The following FMN2 variants were observed in gnomAD, a reference collection of about 807,000 sequenced individuals.
FMN2 encodes the protein formin 2, also known as formin-2.
A neutral mutation model predicts 142.3 loss-of-function variants in FMN2; 51 were observed. The ratio of observed to expected loss-of-function variants is 0.36; its 90% CI spans 0.29 to 0.45. FMN2 has a LOEUF of 0.45. FMN2 is among the 20% of genes least tolerant of loss of function. FMN2 has a pLI of 1.00. For missense variants in FMN2, 1,936 were observed against 2,122.8 expected (o/e 0.91, Z 1.73); for synonymous variants, 882 against 869.8 (o/e 1.01, Z -0.25).
rs778996452 is a variant in FMN2, at chr1:240,207,442, C to T, written c.2630C>T (p.Pro877Leu). 4.3e-6 allele frequency: 7 copies of T among 1,613,564 alleles called. No individual in the cohort carries two copies. Among genetic ancestry groups the T allele is most frequent in the South Asian group, 1.1e-5 (1 of 91,076 alleles). The change falls in exon 5 of 18, where the codon CCT becomes CTT. Residue 877 changes from proline (P) to leucine (L), a missense_variant. By Grantham distance (98) the Pro-to-Leu change is moderately conservative. Coordinates refer to ENST00000319653, the MANE Select transcript of FMN2 (RefSeq NM_020066.5). ...TCCATGCCTGGCCTGGGCATGGTGCCTCCCCCACCTCCCCCTCTCCCTGGC... is the reference window on the plus strand; with the variant it reads ...TCCATGCCTGGCCTGGGCATGGTGCTTCCCCCACCTCCCCCTCTCCCTGGC... ...SSSMPGLGMV[P>L]PPPPPLPGMT...
At chr1:240,211,055 T>C in intron 5 of FMN2, 36 bp from the exon 6 acceptor site, 1 of 1,582,450 alleles carries the variant, frequency 6.3e-7, no homozygotes, top group African/African-American at 1.4e-5. Flanking sequence ...AAGTTCAGTT[T>C]GATGGCTGTT....
At chr1:240,360,026 A>G (rs1283193478) in intron 14 of FMN2, among the ~76,000 whole-genome samples, 1 of 152,146 alleles carries the variant, frequency 6.6e-6, no homozygotes. Flanking sequence ...TTGCACCACA[A>G]TATTGAGCAG....
At position 240,138,739 on chromosome 1, in the gene FMN2, A is replaced by T. The variant is rs1571971001; in HGVS notation, c.1782+15394A>T. Reference sequence around the variant, plus strand: ...AAAAAAAAATTGCATGTGGTCACACAATTTGTTTTTCCCCCTTTTAAAGGA... The same window carrying T: ...AAAAAAAAATTGCATGTGGTCACACTATTTGTTTTTCCCCCTTTTAAAGGA... On this transcript the variant is annotated intron_variant, in intron 2 of 17. Coordinates refer to ENST00000319653, the MANE Select transcript of FMN2 (RefSeq NM_020066.5). Among the ~76,000 whole-genome samples, 3 of 152,250 alleles carry T rather than the reference A, an allele frequency of 2.0e-5. No homozygotes were observed. In the East Asian group the frequency reaches 5.8e-4, roughly 29 times the overall value.
intron 10 of FMN2, among the ~76,000 whole-genome samples, chr1:240,330,043 T>C (rs188529254): frequency 2.4e-4 from 37 of 152,340 alleles, no homozygotes; most frequent in African/African-American, 8.7e-4. Context: ...AAGATGTTTT[T>C]AAAGGCTCAC....
chr1:240,175,013 C>T (rs980286541), intron 2 of FMN2, among the ~76,000 whole-genome samples: 1 of 152,180 alleles, frequency 6.6e-6, no homozygotes, highest in African/African-American at 2.4e-5. Flanking sequence ...CGGGCAACCA[C>T]CATTTGACTT....
intron 14 of FMN2, among the ~76,000 whole-genome samples, chr1:240,363,126 G>A (rs963353331): frequency 6.6e-6 from 1 of 152,216 alleles, no homozygotes; most frequent in Non-Finnish European, 1.5e-5. Flanking sequence ...AAAGACTGAA[G>A]AGCCTAGTAG....
chr1:240,271,454 G>A (rs116411120), intron 7 of FMN2, among the ~76,000 whole-genome samples: 211 of 149,592 alleles, frequency 1.4e-3, no homozygotes, highest in African/African-American at 5.0e-3. Context: ...AGCTTATAAG[G>A]CTTGCTTAGA....
intron 9 of FMN2, 75 bp from the exon 10 acceptor site, chr1:240,329,264 T>C: frequency 6.3e-7 from 1 of 1,597,870 alleles, no homozygotes; most frequent in Non-Finnish European, 8.6e-7. Flanking sequence ...TGCATACTTG[T>C]TGTGAATGAG....
At chr1:240,200,781 GT>G (rs151281446) in intron 4 of FMN2, among the ~76,000 whole-genome samples, 10,153 of 152,140 alleles carry the variant, frequency 0.067, 393 homozygotes, top group African/African-American at 0.09. Context: ...GAAGCAGATA[GT>G]TTGTTGCCCC....
At chr1:240,366,858 C>A (rs1245752417) in intron 14 of FMN2, among the ~76,000 whole-genome samples, 5 of 152,118 alleles carry the variant, frequency 3.3e-5, no homozygotes, top group African/African-American at 4.8e-5. Context: ...GCCCTCTATC[C>A]CTGTTTTATT....
At chr1:240,126,585 C>T (rs905457615) in intron 2 of FMN2, among the ~76,000 whole-genome samples, 1 of 151,986 alleles carries the variant, frequency 6.6e-6, no homozygotes, top group Non-Finnish European at 1.5e-5. Context: ...TTTGCTTTAT[C>T]GAGTGTTATA....
In FMN2 at chr1:240,392,538, A is replaced by G. The variant is rs757500876; in HGVS notation, c.4886A>G (p.Asn1629Ser). 6.2e-7 allele frequency: 1 copy of G among 1,609,536 alleles called. No individual in the cohort carries two copies. Among genetic ancestry groups the G allele is most frequent in the South Asian group, 1.1e-5 (1 of 90,098 alleles). The change falls in exon 15 of 18, where the codon AAT (asparagine) becomes AGT (serine). Residue 1629 changes from asparagine to serine, a missense_variant. Physicochemically the swap from Asn to Ser is conservative, Grantham distance 46. Around this residue, in one of 8 missense-constraint regions of FMN2, gnomAD observed 322 missense variants for 401.6 expected, o/e 0.80. Coordinates refer to ENST00000319653, the MANE Select transcript of FMN2 (RefSeq NM_020066.5). ...AAAATTGACCAAGAGGCAGAGGAAA[A>G]TTCACTGACAGAGACTCATAAATGG... ...QAKIDQEAEE[N>S]SLTETHKCFL...
chr1:240,353,720 G>A (rs1264960950), intron 13 of FMN2, among the ~76,000 whole-genome samples: 1 of 152,150 alleles, frequency 6.6e-6, no homozygotes, highest in Admixed American at 6.5e-5. Context: ...CTACTTCAAA[G>A]GGTTTTATGA....
At chr1:240,332,427 C>T (rs1292247814) in intron 11 of FMN2, among the ~76,000 whole-genome samples, 1 of 151,630 alleles carries the variant, frequency 6.6e-6, no homozygotes, top group Non-Finnish European at 1.5e-5. Flanking sequence ...CAATACTCAG[C>T]AACTGCTTGT....
At chr1:240,146,042 G>A (rs73128592) in intron 2 of FMN2, among the ~76,000 whole-genome samples, 28,517 of 150,866 alleles carry the variant, frequency 0.19, 2,853 homozygotes, top group South Asian at 0.29. Context: ...TTGTGTAACT[G>A]AAGGATAGGG....
chr1:240,361,141 GTATATATATATATATATATA>G (rs202070560), intron 14 of FMN2, among the ~76,000 whole-genome samples: 57 of 43,242 alleles, frequency 1.3e-3, no homozygotes, highest in East Asian at 4.2e-3. Context: ...AAATATATGT[GTATATATATATATATATATA>G]TATATATATA....
intron 2 of FMN2, chr1:240,142,937 A>G (rs940653205): frequency 3.7e-6 from 6 of 1,605,544 alleles, no homozygotes; most frequent in Non-Finnish European, 5.1e-6. Context: ...CCACCAGCCC[A>G]TACAATACAT....
chr1:240,199,726 A>G (rs1014275841), intron 4 of FMN2, among the ~76,000 whole-genome samples: 13 of 152,204 alleles, frequency 8.5e-5, no homozygotes, highest in African/African-American at 3.1e-4. Flanking sequence ...GTTTTGAAAC[A>G]GTATTTTAAA....
At chr1:240,214,550 C>CAAAAAA (rs35698298) in intron 6 of FMN2, among the ~76,000 whole-genome samples, 1 of 122,154 alleles carries the variant, frequency 8.2e-6, no homozygotes, top group African/African-American at 2.9e-5. Context: ...GACTCCATCT[C>CAAAAAA]AAAAAAAAAA....
Sources: allele counts gnomAD v4.1 joint callset (sites outside exome capture counted in the v4.1 genomes callset), GRCh38; gene constraint gnomAD v4.1.1; regional missense constraint gnomAD v4.1.1; transcripts MANE v1.5; gene names NCBI Gene and HGNC (gene_info 2026-07-23, HGNC 2026-07-21).